Variants in SNX13 observed in about 807,000 individuals in gnomAD.
SNX13 encodes sorting nexin 13, also known as sorting nexin-13.
Under a neutral mutation model 133.6 loss-of-function variants are expected in SNX13, and 45 were observed. That is an observed-to-expected ratio of 0.34 (90% confidence interval 0.27 to 0.43). The LOEUF is 0.43. Ranked by LOEUF, SNX13 falls within the 20% of genes least tolerant of loss-of-function variation. The pLI, the probability that SNX13 is intolerant of heterozygous loss-of-function variation, is 1.00. For synonymous variants in SNX13, 414 were observed against 373.9 expected, an observed-to-expected ratio of 1.11 and a Z score of -1.24; for missense variants, 1,032 against 1,145.1, an observed-to-expected ratio of 0.90 and a Z score of 1.43.
At chr7:17,928,154 C>A (rs1233838002) in intron 1 of SNX13, among the ~76,000 whole-genome samples, 1 of 152,154 alleles carries the variant, frequency 6.6e-6, no homozygotes, top group Admixed American at 6.5e-5. Context: ...TCATTTCTTT[C>A]TTATGAAAAG....
Position 17,821,573 on chromosome 7 carries a change from T to C in SNX13, c.1781A>G (p.Glu594Gly). The C allele has an allele frequency of 6.2e-7, 1 of 1,613,710 alleles. No homozygotes were observed. The highest frequency in any genetic ancestry group is 8.5e-7 in the Non-Finnish European group (1 of 1,179,714). Residue 594 changes from glutamate to glycine, a missense_variant, in exon 18 of 26, where the codon GAG becomes GGG. Physicochemically the swap from Glu to Gly is moderately conservative, Grantham distance 98 (BLOSUM62 -2). Coordinates refer to ENST00000428135, the MANE Select transcript of SNX13 (RefSeq NM_015132.5). ...TVHRRNLNSE[E>G]MWKTYRRYSD... ...ATAACGACGATAGGTTTTCCACATC[T>C]CCTCACTGTTTAGGTTGCGCCGGTG... is the stretch of plus-strand genomic sequence containing the variant.
intron 5 of SNX13, among the ~76,000 whole-genome samples, chr7:17,876,314 C>T (rs969352263): frequency 1.3e-5 from 2 of 152,216 alleles, no homozygotes; most frequent in Non-Finnish European, 2.9e-5. Flanking sequence ...GGCACAGTGG[C>T]TCACGCCTAT....
chr7:17,907,505 G>A (rs1271795612), intron 1 of SNX13, among the ~76,000 whole-genome samples: 1 of 152,154 alleles, frequency 6.6e-6, no homozygotes, highest in Non-Finnish European at 1.5e-5. Context: ...TTAAAAATCT[G>A]TAAAAATCAG....
chr7:17,916,224 A>G (rs1388964334), intron 1 of SNX13, among the ~76,000 whole-genome samples: 1 of 152,152 alleles, frequency 6.6e-6, no homozygotes, highest in Non-Finnish European at 1.5e-5. Flanking sequence ...CCTCGCACCT[A>G]AAAAAACTAG....
chr7:17,794,065 G>A lies in SNX13; in HGVS notation c.2854C>T (p.Pro952Ser). 1 of 1,611,274 alleles carries A rather than the reference G, an allele frequency of 6.2e-7. No homozygotes were observed. Among genetic ancestry groups the A allele is most frequent in the South Asian group, 1.1e-5 (1 of 90,966 alleles). ...YKQKLQTTQA[P>S]SLQKR ...GAGTGTCACCTTTTCTGCAAAGAAG[G>A]CGCTTGAGTAGTTTGAAGTTTCTGT... The change falls in exon 26 of 26, where the codon CCT becomes TCT. Residue 952 changes from proline to serine, a missense_variant. Physicochemically the swap from Pro to Ser is moderately conservative, Grantham distance 74. Coordinates refer to ENST00000428135, the MANE Select transcript of SNX13 (RefSeq NM_015132.5).
rs184084388 is a variant in SNX13, at chr7:17,903,562, T to C, written c.13-6116A>G. On this transcript the variant is annotated intron_variant, in intron 1 of 25. Coordinates refer to ENST00000428135, the MANE Select transcript of SNX13 (RefSeq NM_015132.5). ...TTCCTCACCTATGTCATGTGGTTAC[T>C]GTGGGGAGTAAATGAGTTCACAGTC... Among the ~76,000 whole-genome samples the C allele has an allele frequency of 3.0e-4, 45 of 152,330 alleles. 1 individual carries two copies. Among genetic ancestry groups the C allele is most frequent in the Admixed American group, 2.7e-3 (41 of 15,314 alleles).
chr7:17,882,086 T>C (rs1795413961), intron 5 of SNX13: 1 of 152,208 alleles, frequency 6.6e-6, no homozygotes, highest in African/African-American at 2.4e-5. Context: ...CTCAAAAATA[T>C]ACGGGGAATT....
At position 17,834,057 on chromosome 7, in the gene SNX13, T is replaced by C. The variant is rs1344314621; in HGVS notation, c.1592A>G (p.Asp531Gly). ...DPSFRGSDDG[D>G]GESFNGSPTG... ...TAAAATGGGTGCCACCTTACCTCCATCCCCATCATCGGATCCTCTGAAACT... is the reference window on the plus strand; with the variant it reads ...TAAAATGGGTGCCACCTTACCTCCACCCCCATCATCGGATCCTCTGAAACT... The change falls in exon 15 of 26, where the codon GAT (aspartate) becomes GGT (glycine). Residue 531 changes from aspartate (D) to glycine (G), a missense_variant. Transcript: ENST00000428135. The C allele has an allele frequency of 1.3e-6, 2 of 1,561,202 alleles. No homozygotes were observed. The highest frequency in any genetic ancestry group is 1.2e-5 in the South Asian group (1 of 83,102).
Position 17,824,327 on chromosome 7 carries a change from G to A in SNX13, c.1705+1695C>T, listed in dbSNP as rs544570012. Among the ~76,000 whole-genome samples the A allele has an allele frequency of 1.1e-4, 16 of 152,178 alleles. No individual in the cohort carries two copies. The South Asian group carries it at 3.1e-3, about 30-fold the overall frequency. On this transcript the variant is annotated intron_variant, in intron 17 of 25. Coordinates refer to ENST00000428135, the MANE Select transcript of SNX13 (RefSeq NM_015132.5). ...TCTTGTGTGTGTACTGCTTCCTTGG[G>A]CCATTCTTTCAGTAGCACTGGACTA...
At chr7:17,847,975 C>T (rs899174484) in intron 11 of SNX13, among the ~76,000 whole-genome samples, 28 of 152,064 alleles carry the variant, frequency 1.8e-4, no homozygotes, top group Non-Finnish European at 2.9e-5. Flanking sequence ...TGGTCCCTGG[C>T]GAAACACCAC....
At position 17,832,533 on chromosome 7, in the gene SNX13, A is replaced by G; in HGVS notation, c.1597+1519T>C. On this transcript the variant is annotated intron_variant, in intron 15 of 25. Transcript: ENST00000428135. ...AATAGATAAAATTAGTATAAACAAC[A>G]AAAACTTTTATAATAGTCATTTTAG... The G allele has an allele frequency of 8.3e-6, 8 of 958,680 alleles. 1 individual carries two copies. In the South Asian group the frequency reaches 3.4e-4, roughly 41 times the overall value. The allele number at this position is 958,680 out of a possible 1,614,324, so 59.4% of individuals were successfully genotyped here. A position where few individuals can be genotyped will look rare whatever the true frequency, so the allele number is the denominator to read the frequency against.
chr7:17,933,544 GA>G (rs113827759), intron 1 of SNX13, among the ~76,000 whole-genome samples: 448 of 120,106 alleles, frequency 3.7e-3, no homozygotes, highest in Middle Eastern at 0.012. Context: ...CTCTGTCTCA[GA>G]AAAAAAAAAA....
rs1230024767 is a variant in SNX13 at position 17,792,207 on chromosome 7, TC to T, written c.*1837del. Reference sequence around the variant, plus strand: ...CTGCACTTATGGCCATGCTGATGCTTCCTACAGACATGTTTCATGTTTCAAA... The same window carrying T: ...CTGCACTTATGGCCATGCTGATGCTTCTACAGACATGTTTCATGTTTCAAA... On this transcript the variant is annotated 3_prime_UTR_variant, in exon 26 of 26. Transcript: ENST00000428135. 6.6e-6 allele frequency: 1 copy of T among 151,984 alleles called. No individual in the cohort carries two copies. The highest frequency in any genetic ancestry group is 1.5e-5 in the Non-Finnish European group (1 of 67,928). The allele number at this position is 151,984 out of a possible 1,614,324, so 9.4% of individuals were successfully genotyped here.
At chr7:17,909,035 A>C (rs1798671295) in intron 1 of SNX13, among the ~76,000 whole-genome samples, 1 of 152,154 alleles carries the variant, frequency 6.6e-6, no homozygotes, top group Non-Finnish European at 1.5e-5. Context: ...TGTTAAAAGA[A>C]AGCCCTTAAA....
intron 5 of SNX13, chr7:17,888,618 T>C (rs1251085097): frequency 2.2e-6 from 1 of 463,608 alleles, no homozygotes; most frequent in Non-Finnish European, 4.4e-6. Context: ...GCATAAAAAC[T>C]TAAATTTCTA....
intron 11 of SNX13, among the ~76,000 whole-genome samples, chr7:17,846,307 G>A (rs577932188): frequency 6.6e-6 from 1 of 151,938 alleles, no homozygotes; most frequent in African/African-American, 2.4e-5. Flanking sequence ...CAGGCTTTGG[G>A]CTAGTTACAT....
At chr7:17,809,534 C>T (rs1370461209) in intron 20 of SNX13, among the ~76,000 whole-genome samples, 1 of 152,084 alleles carries the variant, frequency 6.6e-6, no homozygotes, top group Admixed American at 6.5e-5. Context: ...GACTTTAACA[C>T]CCTACTGTCA....
At chr7:17,906,448 T>C (rs1356462635) in intron 1 of SNX13, among the ~76,000 whole-genome samples, 1 of 151,946 alleles carries the variant, frequency 6.6e-6, no homozygotes, top group Admixed American at 6.6e-5. Flanking sequence ...CCACACAATT[T>C]AAAAAAACCA....
intron 13 of SNX13, among the ~76,000 whole-genome samples, chr7:17,836,345 C>T (rs193021062): frequency 7.2e-5 from 11 of 152,102 alleles, no homozygotes; most frequent in Non-Finnish European, 1.5e-4. Context: ...GGCAAAATCC[C>T]TGTCTCTTTA....
Sources: gnomAD v4.1 joint callset for allele counts (sites outside exome capture counted in the v4.1 genomes callset) on GRCh38, gnomAD v4.1.1 for gene constraint, MANE v1.5 for transcripts, NCBI Gene and HGNC (gene_info 2026-07-23, HGNC 2026-07-21) for gene names.